HMGCS1: variants seen among roughly 807,000 people sequenced by gnomAD.
HMGCS1 encodes the protein 3-hydroxy-3-methylglutaryl-CoA synthase 1, also known as hydroxymethylglutaryl-CoA synthase, cytoplasmic.
In HMGCS1, 9 loss-of-function variants were observed where a neutral mutation model predicts 52.3. The observed-to-expected ratio is 0.17, with a 90% CI of 0.10 to 0.30. The LOEUF is 0.30. HMGCS1 is among the 10% of genes least tolerant of loss of function. HMGCS1 has a pLI of 1.00. For synonymous variants in HMGCS1, 176 were observed against 214.4 expected (o/e 0.82, Z 1.57); for missense variants, 320 against 620.9 (o/e 0.52, Z 5.15).
At chr5:43,297,838 CAAAA>C (rs371302116) in intron 4 of HMGCS1, among the ~76,000 whole-genome samples, 167 bp downstream of exon 4, 1 of 67,926 alleles carries the variant, frequency 1.5e-5, no homozygotes, top group Non-Finnish European at 3.2e-5. Context: ...AACTCGGTCT[CAAAA>C]AAAAAAAAAA....
intron 1 of HMGCS1, among the ~76,000 whole-genome samples, chr5:43,310,933 T>C (rs1315921756): frequency 6.6e-6 from 1 of 152,210 alleles, no homozygotes; most frequent in Non-Finnish European, 1.5e-5. Flanking sequence ...ACTTCAGGCT[T>C]TCAAAGATTA....
intron 8 of HMGCS1, among the ~76,000 whole-genome samples, chr5:43,293,436 A>G (rs1177000858): frequency 6.6e-6 from 1 of 152,118 alleles, no homozygotes; most frequent in African/African-American, 2.4e-5. Context: ...TCATCAGTTT[A>G]TCTCTACATT....
Position 43,295,734 on chromosome 5 carries a change from C to T in HMGCS1, c.905+18G>A, listed in dbSNP as rs1243025206. Reference sequence around the variant, plus strand: ...TGCTCTAATATAGAAGGAAAAAACTCATAATAGCTCCTCTTACCCAAAGGC... The same window carrying T: ...TGCTCTAATATAGAAGGAAAAAACTTATAATAGCTCCTCTTACCCAAAGGC... On this transcript the variant is annotated intron_variant, in intron 6 of 10. Transcript: ENST00000325110. The T allele has an allele frequency of 1.9e-6, 3 of 1,587,522 alleles. No individual in the cohort carries two copies. Among genetic ancestry groups the T allele is most frequent in the Admixed American group, 1.8e-5 (1 of 57,004 alleles).
At chr5:43,302,713 G>A (rs528555959) in intron 2 of HMGCS1, among the ~76,000 whole-genome samples, 5 of 152,332 alleles carry the variant, frequency 3.3e-5, no homozygotes, top group Admixed American at 6.5e-5. Context: ...GAACCAAATG[G>A]ACTGGGAAGG....
At chr5:43,302,231 A>G (rs928581291) in intron 2 of HMGCS1, among the ~76,000 whole-genome samples, 1 of 152,254 alleles carries the variant, frequency 6.6e-6, no homozygotes, top group African/African-American at 2.4e-5. Flanking sequence ...ACTACACTGA[A>G]GTCAACATTA....
chr5:43,293,974 C>T (rs2111642438), intron 8 of HMGCS1, 82 bp downstream of exon 8: 3 of 929,988 alleles, frequency 3.2e-6, no homozygotes, highest in Non-Finnish European at 5.3e-6. Flanking sequence ...CTCGGCCTCC[C>T]AAACTGCTGG....
chr5:43,301,377 C>T (rs1016565070), intron 2 of HMGCS1, among the ~76,000 whole-genome samples: 4 of 152,084 alleles, frequency 2.6e-5, no homozygotes, highest in Admixed American at 1.3e-4. Flanking sequence ...AAGAAGCCAT[C>T]GGAGAGTTTA....
At chr5:43,293,047 T>C in intron 8 of HMGCS1, 74 bp from the exon 9 acceptor site, 1 of 1,324,542 alleles carries the variant, frequency 7.5e-7, no homozygotes, top group Non-Finnish European at 1.1e-6. Context: ...AAGTAAAATG[T>C]TGCCAAATGA....
intron 2 of HMGCS1, among the ~76,000 whole-genome samples, chr5:43,300,929 T>G (rs745801011): frequency 2.6e-5 from 4 of 152,050 alleles, no homozygotes; most frequent in Non-Finnish European, 5.9e-5. Flanking sequence ...ACATTAGGGA[T>G]GCTTAATGGG....
rs1472518624 is a variant in HMGCS1, at chr5:43,298,429, G to A, written c.448+89C>T. ...AAACAAGGACAAATTACAAAAGTTT[G>A]CGTATTGCATTAATTAAAGTGTCAT... On this transcript the variant is annotated intron_variant, in intron 3 of 10. Transcript: ENST00000325110. The surrounding 1 kb of genome is among the most constrained non-coding windows in gnomAD (Gnocchi z 5.6). 11 of 913,336 alleles carry A rather than the reference G, an allele frequency of 1.2e-5. No individual in the cohort carries two copies. Among genetic ancestry groups the A allele is most frequent in the Non-Finnish European group, 1.7e-5 (10 of 590,356 alleles). 56.6% of individuals were successfully genotyped at this position (913,336 alleles called of 1,614,324 possible).
Position 43,298,525 on chromosome 5 carries a change from A to G in HMGCS1, c.441T>C (p.Ser147=). The G allele has an allele frequency of 6.2e-7, 1 of 1,610,526 alleles. No homozygotes were observed. The highest frequency in any genetic ancestry group is 8.5e-7 in the Non-Finnish European group (1 of 1,177,004). ...FNAVNWIESS[S]WDGRYALVVA... ...AATAGGCATGTAACATACCATCCCA[A>G]GAGCTGGACTCAATCCAGTTAACAG... Residue 147 remains serine (S), a synonymous_variant, in exon 3 of 11, where the codon TCT becomes TCC. Transcript: ENST00000325110. This position sits in a 1 kb window ranked among gnomAD's most constrained non-coding sequence, Gnocchi z 5.6.
intron 1 of HMGCS1, among the ~76,000 whole-genome samples, chr5:43,308,779 C>T (rs572728178): frequency 6.6e-6 from 1 of 152,194 alleles, no homozygotes; most frequent in South Asian, 2.1e-4. Flanking sequence ...TAACTACATT[C>T]GGATGTTATT....
chr5:43,305,581 C>G (rs1236363584), intron 2 of HMGCS1, among the ~76,000 whole-genome samples: 4 of 151,698 alleles, frequency 2.6e-5, no homozygotes, highest in Non-Finnish European at 5.9e-5. Flanking sequence ...ACCAGCCTGG[C>G]CAAAATGGTG....
intron 1 of HMGCS1, among the ~76,000 whole-genome samples, chr5:43,311,812 T>C (rs1259015000): frequency 1.3e-5 from 2 of 152,162 alleles, no homozygotes; most frequent in East Asian, 1.9e-4. Flanking sequence ...AAACATAAAA[T>C]ATCCTTTTAC....
chr5:43,294,026 T>C (rs1753910417), intron 8 of HMGCS1, 30 bp downstream of exon 8: 2 of 1,409,760 alleles, frequency 1.4e-6, no homozygotes, highest in African/African-American at 1.4e-5. Flanking sequence ...CAGTTCTCAA[T>C]ACATTCTTGT....
chr5:43,297,349 A>G (rs572923212), intron 4 of HMGCS1, among the ~76,000 whole-genome samples, 183 bp from the exon 5 acceptor site: 1 of 152,364 alleles, frequency 6.6e-6, no homozygotes, highest in Admixed American at 6.5e-5. Context: ...ATCCATGGAC[A>G]GTCCTAAGAC....
At chr5:43,294,955 T>G in intron 6 of HMGCS1, 94 bp from the exon 7 acceptor site, 2 of 739,898 alleles carry the variant, frequency 2.7e-6, no homozygotes, top group Non-Finnish European at 4.2e-6. Flanking sequence ...TCTTTAAGTG[T>G]ATATAATTGT....
intron 2 of HMGCS1, among the ~76,000 whole-genome samples, chr5:43,301,574 T>C (rs1485083300): frequency 6.6e-6 from 1 of 152,230 alleles, no homozygotes; most frequent in Non-Finnish European, 1.5e-5. Flanking sequence ...TTCATACATA[T>C]ATAAAGTATA....
intron 2 of HMGCS1, among the ~76,000 whole-genome samples, chr5:43,300,006 T>C (rs1473484216): frequency 6.6e-6 from 1 of 152,230 alleles, no homozygotes; most frequent in Non-Finnish European, 1.5e-5. Context: ...CTGCTGAAGC[T>C]GCTGGAGCTA....
Sources: gnomAD v4.1 joint callset for allele counts (sites outside exome capture counted in the v4.1 genomes callset) on GRCh38, gnomAD v4.1.1 for gene constraint, Gnocchi (gnomAD v3.1) non-coding constraint, MANE v1.5 for transcripts, NCBI Gene and HGNC (gene_info 2026-07-23, HGNC 2026-07-21) for gene names.